The following NAA25 variants were observed in gnomAD, a reference collection of about 807,000 sequenced individuals.
NAA25 encodes the protein N-terminal acetyltransferase B complex subunit NAA25.
In NAA25, 30 loss-of-function variants were observed where a neutral mutation model predicts 132.5. The observed-to-expected ratio is 0.23, with a 90% CI of 0.17 to 0.31. The LOEUF is 0.31. Ranked by LOEUF, NAA25 falls within the 10% of genes least tolerant of loss-of-function variation. The pLI, the probability that NAA25 is intolerant of heterozygous loss-of-function variation, is 1.00. For synonymous variants in NAA25, 359 were observed against 401.9 expected (o/e 0.89, Z 1.28); for missense variants, 771 against 1,150.4 (o/e 0.67, Z 4.77).
Position 112,067,604 on chromosome 12 carries a change from G to A in NAA25, c.1149+1276C>T, listed in dbSNP as rs559334011. Among the ~76,000 whole-genome samples the A allele has an allele frequency of 5.3e-5, 8 of 152,186 alleles. No individual in the cohort carries two copies. The South Asian group carries it at 1.5e-3, about 28-fold the overall frequency. The stretch of plus-strand genomic sequence containing the variant: ...ATGTGCCTGTAGTCCCATCTACTCA[G>A]GAGGCTGAGGCACGAGGATCACTGG... On this transcript the variant is annotated intron_variant, in intron 11 of 23. Coordinates refer to ENST00000261745, the MANE Select transcript of NAA25 (RefSeq NM_024953.4).
At chr12:112,075,861 A>C in intron 7 of NAA25, 72 bp from the exon 8 acceptor site, 2 of 1,184,064 alleles carry the variant, frequency 1.7e-6, no homozygotes, top group Non-Finnish European at 2.5e-6. Context: ...GAGTCCAACC[A>C]CAAGAAGGAA....
intron 22 of NAA25, chr12:112,034,890 A>G (rs1363666885): frequency 2.6e-5 from 4 of 151,984 alleles, no homozygotes; most frequent in African/African-American, 9.7e-5. Flanking sequence ...CAATAGCAGC[A>G]TATTTATAAT....
intron 21 of NAA25, chr12:112,040,226 T>C (rs2078283207): frequency 3.2e-6 from 1 of 308,496 alleles, no homozygotes; most frequent in Non-Finnish European, 5.9e-6. Flanking sequence ...AGATTTGAGG[T>C]GAATCTGGGG....
At chr12:112,069,039 A>G in intron 10 of NAA25, 47 bp from the exon 11 acceptor site, 1 of 1,064,274 alleles carries the variant, frequency 9.4e-7, no homozygotes, top group Non-Finnish European at 1.4e-6. Context: ...GAACAGAAGC[A>G]ATTTCTATTT....
rs1254917004 is a variant in NAA25 at position 112,042,017 on chromosome 12, AATCTAC to A, written c.2440+16_2440+21del. 2 of 1,369,336 alleles carry A rather than the reference AATCTAC, an allele frequency of 1.5e-6. No individual in the cohort carries two copies. The highest frequency in any genetic ancestry group is 2.0e-6 in the Non-Finnish European group (2 of 1,012,268). 84.8% of individuals were successfully genotyped at this position (1,369,336 alleles called of 1,614,324 possible). On this transcript the variant is annotated intron_variant, in intron 20 of 23. Transcript: ENST00000261745. ...CCATACAACCAGATACAAATACAGG[AATCTAC>A]AGTAGGAAAACTTACCTTTTAACTG...
chr12:112,089,483 G>A (rs1213670593), intron 3 of NAA25, among the ~76,000 whole-genome samples: 1 of 152,124 alleles, frequency 6.6e-6, no homozygotes, highest in African/African-American at 2.4e-5. Context: ...TTTTGTGGTA[G>A]TGAAAATGGA....
chr12:112,083,610 T>C (rs2079002838), intron 4 of NAA25, among the ~76,000 whole-genome samples: 1 of 152,098 alleles, frequency 6.6e-6, no homozygotes, highest in East Asian at 1.9e-4. Flanking sequence ...GAGTCTAAGA[T>C]GGCTTGAGGC....
chr12:112,073,358 A>C (rs764380099), intron 9 of NAA25, among the ~76,000 whole-genome samples: 2 of 152,210 alleles, frequency 1.3e-5, no homozygotes, highest in African/African-American at 2.4e-5. Flanking sequence ...TAGGTAACCT[A>C]GTTAATATTA....
intron 1 of NAA25, among the ~76,000 whole-genome samples, chr12:112,094,106 T>G (rs2079177825): frequency 6.6e-6 from 1 of 151,276 alleles, no homozygotes; most frequent in African/African-American, 2.4e-5. Flanking sequence ...CCAGGCGTGG[T>G]GGTGGGCTCC....
Position 112,108,725 on chromosome 12 carries a change from G to T in NAA25, c.49C>A (p.Pro17Thr). ...GGTCCAAGACACTCACCGTAAATGG[G>T]CCGGAGGCGCCTGTCGTTAGGGTCC... ...VQDPNDRRLR[P>T]IYDYLDNGNN... Residue 17 changes from proline (P) to threonine (T), a missense_variant, in exon 1 of 24, where the codon CCC (proline) becomes ACC (threonine). Coordinates refer to ENST00000261745, the MANE Select transcript of NAA25 (RefSeq NM_024953.4). 2 of 1,529,100 alleles carry T rather than the reference G, an allele frequency of 1.3e-6. No homozygotes were observed. Among genetic ancestry groups the T allele is most frequent in the Non-Finnish European group, 1.8e-6 (2 of 1,136,012 alleles). 94.7% of individuals were successfully genotyped at this position (1,529,100 alleles called of 1,614,324 possible).
chr12:112,038,082 T>G (rs2078249618), intron 22 of NAA25, among the ~76,000 whole-genome samples: 3 of 152,186 alleles, frequency 2.0e-5, no homozygotes, highest in Non-Finnish European at 4.4e-5. Flanking sequence ...GGTGCTATCT[T>G]GGCTCACTGC....
chr12:112,083,133 T>C lies in NAA25; in HGVS notation c.403-1999A>G, dbSNP rs1163115962. On this transcript the variant is annotated intron_variant, in intron 4 of 23. Coordinates refer to ENST00000261745, the MANE Select transcript of NAA25 (RefSeq NM_024953.4). The stretch of plus-strand genomic sequence containing the variant: ...AAATAGGAAGAAAGAAAAGGTGAGG[T>C]GATGAGGCACAAAACCAGGATGGGG... Among the ~76,000 whole-genome samples, 3 of 151,558 alleles carry C rather than the reference T, an allele frequency of 2.0e-5. No homozygotes were observed. The East Asian group carries it at 5.8e-4, about 29-fold the overall frequency.
chr12:112,071,264 G>A (rs958931573), intron 10 of NAA25, among the ~76,000 whole-genome samples: 7 of 152,290 alleles, frequency 4.6e-5, no homozygotes, highest in Non-Finnish European at 8.8e-5. Context: ...CAGGTGTTCC[G>A]CCCACCTCGG....
intron 11 of NAA25, 51 bp from the exon 12 acceptor site, chr12:112,061,439 C>T (rs762427003): frequency 7.9e-7 from 1 of 1,273,082 alleles, no homozygotes. Flanking sequence ...AACTAGTCTT[C>T]AGTAGGCCAT....
intron 11 of NAA25, chr12:112,063,945 T>TAG (rs1227263964): frequency 6.6e-6 from 1 of 152,266 alleles, no homozygotes; most frequent in African/African-American, 2.4e-5. Context: ...ACTCACTATG[T>TAG]TGTCCAGGCT....
At chr12:112,094,406 G>C (rs1251712935) in intron 1 of NAA25, among the ~76,000 whole-genome samples, 2 of 152,026 alleles carry the variant, frequency 1.3e-5, no homozygotes, top group African/African-American at 2.4e-5. Context: ...AATGAGTTTA[G>C]TCACCAAAAT....
rs1172984389 is a variant in NAA25, at chr12:112,075,713, C to T, written c.741G>A (p.Glu247=). ...AMYKKLSRWP[E]CNALSRRLLL... is the part of the protein sequence containing the mutation. ...AGAGGCGCCGGGAAAGGGCATTGCA[C>T]TCTGGCCACCTGCTCAGCTTCTTGT... Residue 247 remains glutamate (E), a synonymous_variant, in exon 8 of 24, where the codon GAG becomes GAA. Transcript: ENST00000261745. 1.9e-6 allele frequency: 3 copies of T among 1,613,862 alleles called. No homozygotes were observed. Among genetic ancestry groups the T allele is most frequent in the Non-Finnish European group, 2.5e-6 (3 of 1,179,914 alleles).
chr12:112,036,787 G>A (rs1252059415), intron 22 of NAA25, among the ~76,000 whole-genome samples: 1 of 151,012 alleles, frequency 6.6e-6, no homozygotes, highest in Admixed American at 6.6e-5. Context: ...AGTGGAGGTT[G>A]TAGTGATTGC....
chr12:112,078,095 C>A, intron 7 of NAA25, 93 bp downstream of exon 7: 1 of 832,882 alleles, frequency 1.2e-6, no homozygotes, highest in South Asian at 1.5e-5. Flanking sequence ...GTGTTTATGT[C>A]TTTATATCCT....
Sources: allele counts gnomAD v4.1 joint callset (sites outside exome capture counted in the v4.1 genomes callset), GRCh38; gene constraint gnomAD v4.1.1; transcripts MANE v1.5; gene names NCBI Gene and HGNC (gene_info 2026-07-23, HGNC 2026-07-21).